Variants in KLF15 observed in about 807,000 individuals in gnomAD.
KLF15 encodes KLF transcription factor 15, also known as Krueppel-like factor 15.
KLF15 carries 4 observed loss-of-function variants against 24.6 expected under a neutral mutation model. The observed-to-expected ratio is 0.16, with a 90% CI of 0.08 to 0.37. KLF15 has a LOEUF of 0.37. Ranked by LOEUF, KLF15 falls within the 10% of genes least tolerant of loss-of-function variation. The pLI is 1.00. For synonymous variants in KLF15, 246 were observed against 236.3 expected (o/e 1.04, Z -0.37); for missense variants, 496 against 560.6 (o/e 0.88, Z 1.16).
chr3:126,301,256 A>G, the KLF15 span, among the ~76,000 whole-genome samples: 1 of 131,408 alleles, frequency 7.6e-6, no homozygotes, highest in Non-Finnish European at 1.8e-5. Flanking sequence ...CACTGAGAGC[A>G]AAGCAGAACA....
At chr3:126,315,140 T>A in the KLF15 span, among the ~76,000 whole-genome samples, 1 of 152,154 alleles carries the variant, frequency 6.6e-6, no homozygotes. Context: ...CCACTTGGGG[T>A]TCCCCCATGT....
the KLF15 span, among the ~76,000 whole-genome samples, chr3:126,306,612 CAT>C: frequency 1.1e-4 from 17 of 152,344 alleles, no homozygotes; most frequent in South Asian, 6.2e-4. Context: ...CACGTGCACA[CAT>C]GTTATACATA....
At chr3:126,312,681 C>T in the KLF15 span, among the ~76,000 whole-genome samples, 2 of 152,206 alleles carry the variant, frequency 1.3e-5, no homozygotes, top group African/African-American at 4.8e-5. Flanking sequence ...TAAATTACAG[C>T]ATCTGTGAGT....
chr3:126,328,034 A>C, the KLF15 span, among the ~76,000 whole-genome samples: 2 of 152,068 alleles, frequency 1.3e-5, no homozygotes, highest in African/African-American at 4.8e-5. Flanking sequence ...CCATCACCCG[A>C]CCAGTATACC....
chr3:126,339,860 A>G (rs1357952454), downstream of KLF15, among the ~76,000 whole-genome samples: 1 of 152,228 alleles, frequency 6.6e-6, no homozygotes, highest in Non-Finnish European at 1.5e-5. Flanking sequence ...TGCTGTCTGC[A>G]GGAGTCAAGA....
At chr3:126,292,430 C>T in the KLF15 span, among the ~76,000 whole-genome samples, 1 of 152,136 alleles carries the variant, frequency 6.6e-6, no homozygotes, top group Admixed American at 6.5e-5. Context: ...GGGAGGGCTA[C>T]AGTTAAAGAA....
At chr3:126,347,099 G>A (rs2082540768) in intron 2 of KLF15, among the ~76,000 whole-genome samples, 1 of 152,182 alleles carries the variant, frequency 6.6e-6, no homozygotes, top group African/African-American at 2.4e-5. Context: ...TATGATTTGT[G>A]CTGAGCTGTA....
chr3:126,355,750 G>T (rs1290133278), intron 1 of KLF15, among the ~76,000 whole-genome samples: 1 of 152,238 alleles, frequency 6.6e-6, no homozygotes, highest in Non-Finnish European at 1.5e-5. Context: ...GGGGAGAGCG[G>T]GGGAGGTCGG....
rs1302659876 is a variant in KLF15, at chr3:126,343,062, C to CACAT, written c.*661_*664dup. ...GGCCCTTCTGGCTCTGTCTGCCCTG[C>CACAT]ACATTTAACTCAAGCACATGCACTG... On this transcript the variant is annotated 3_prime_UTR_variant, in exon 3 of 3. Coordinates refer to ENST00000296233, the MANE Select transcript of KLF15 (RefSeq NM_014079.4). 4 of 148,970 alleles carry CACAT rather than the reference C, an allele frequency of 2.7e-5. No individual in the cohort carries two copies. The highest frequency in any genetic ancestry group is 9.9e-5 in the African/African-American group (4 of 40,390). The allele number at this position is 148,970 out of a possible 1,614,324, so 9.2% of individuals were successfully genotyped here. A position where few individuals can be genotyped will look rare whatever the true frequency, so the allele number is the denominator to read the frequency against.
chr3:126,300,625 C>T, the KLF15 span, among the ~76,000 whole-genome samples: 1 of 152,228 alleles, frequency 6.6e-6, no homozygotes. Context: ...CCTCCTGCAA[C>T]CAGAGCCCCA....
chr3:126,335,418 G>A, the KLF15 span, among the ~76,000 whole-genome samples: 2 of 140,988 alleles, frequency 1.4e-5, no homozygotes, highest in Admixed American at 1.4e-4. Flanking sequence ...TTGATGGGAT[G>A]TATTTCAAAA....
At chr3:126,328,972 T>C in the KLF15 span, among the ~76,000 whole-genome samples, 1 of 152,252 alleles carries the variant, frequency 6.6e-6, no homozygotes, top group African/African-American at 2.4e-5. Context: ...GACTCATATA[T>C]TTCTATCCAT....
chr3:126,311,597 C>T, the KLF15 span, among the ~76,000 whole-genome samples: 30 of 152,336 alleles, frequency 2.0e-4, no homozygotes, highest in Non-Finnish European at 8.8e-5. Flanking sequence ...GGAGCCAGCT[C>T]ACTCACAAGC....
At chr3:126,339,420 A>G (rs539530157), downstream of KLF15, among the ~76,000 whole-genome samples, 103 of 152,166 alleles carry the variant, frequency 6.8e-4, no homozygotes, top group African/African-American at 2.5e-3. Context: ...CTTATTGAAA[A>G]CAGCAGGGCG....
At chr3:126,339,024 C>T (rs558909619), downstream of KLF15, among the ~76,000 whole-genome samples, 16 of 152,178 alleles carry the variant, frequency 1.1e-4, no homozygotes, top group South Asian at 2.1e-4. Flanking sequence ...TATGTCCGTG[C>T]GCCAGGATGG....
the KLF15 span, among the ~76,000 whole-genome samples, chr3:126,307,018 G>C: frequency 1.3e-5 from 2 of 152,130 alleles, no homozygotes; most frequent in African/African-American, 4.8e-5. Context: ...CATACTCCAG[G>C]CTGCTCTTAA....
chr3:126,294,924 C>T, the KLF15 span, among the ~76,000 whole-genome samples: 1 of 151,810 alleles, frequency 6.6e-6, no homozygotes, highest in African/African-American at 2.4e-5. Context: ...CACATACACA[C>T]ATGTGCATGT....
rs2082500796 is a variant in KLF15 at position 126,343,555 on chromosome 3, C to A, written c.*172G>T. Reference sequence around the variant, plus strand: ...GGACGCGGGTTCGAGGCTCTAAGTACTCCCGAGAAAGGCAGCGGTTGGCGG... The same window carrying A: ...GGACGCGGGTTCGAGGCTCTAAGTAATCCCGAGAAAGGCAGCGGTTGGCGG... On this transcript the variant is annotated 3_prime_UTR_variant, in exon 3 of 3. Transcript: ENST00000296233. The A allele has an allele frequency of 1.6e-6, 1 of 642,002 alleles. No individual in the cohort carries two copies. Among genetic ancestry groups the A allele is most frequent in the Non-Finnish European group, 2.6e-6 (1 of 383,696 alleles). The allele number at this position is 642,002 out of a possible 1,614,324, so 39.8% of individuals were successfully genotyped here.
At chr3:126,321,415 G>GT in the KLF15 span, among the ~76,000 whole-genome samples, 1 of 152,262 alleles carries the variant, frequency 6.6e-6, no homozygotes, top group Non-Finnish European at 1.5e-5. Context: ...CCCCTGCAAA[G>GT]GCTGTGGCTC....
Sources: allele counts gnomAD v4.1 joint callset (sites outside exome capture counted in the v4.1 genomes callset), GRCh38; gene constraint gnomAD v4.1.1; transcripts MANE v1.5; gene names NCBI Gene and HGNC (gene_info 2026-07-23, HGNC 2026-07-21).